Variants in CAMK2D observed in about 807,000 individuals in gnomAD.
CAMK2D encodes calcium/calmodulin dependent protein kinase II delta.
A neutral mutation model predicts 84.0 loss-of-function variants in CAMK2D; 37 were observed. The observed-to-expected ratio is 0.44, with a 90% CI of 0.34 to 0.58. The LOEUF (loss-of-function observed/expected upper bound fraction) is 0.58, where lower values mean the gene tolerates loss of function less well. CAMK2D is among the 20% of genes least tolerant of loss of function. CAMK2D has a pLI of 0.02. For missense variants in CAMK2D, 448 were observed against 652.5 expected (o/e 0.69, Z 3.41); for synonymous variants, 202 against 212.5 (o/e 0.95, Z 0.43).
chr4:113,546,882 T>G (rs1200971302), intron 6 of CAMK2D, among the ~76,000 whole-genome samples: 3 of 152,194 alleles, frequency 2.0e-5, no homozygotes, highest in Non-Finnish European at 4.4e-5. Flanking sequence ...TGTGAGCTAT[T>G]TCATTTCTAA....
At chr4:113,533,456 T>C (rs2098470809) in intron 7 of CAMK2D, among the ~76,000 whole-genome samples, 1 of 152,086 alleles carries the variant, frequency 6.6e-6, no homozygotes, top group Non-Finnish European at 1.5e-5. Flanking sequence ...AGCTTGCCTT[T>C]TTTAGGGATA....
chr4:113,468,849 C>T (rs1239424474), intron 16 of CAMK2D, among the ~76,000 whole-genome samples: 3 of 152,216 alleles, frequency 2.0e-5, no homozygotes, highest in African/African-American at 7.2e-5. Context: ...CCAGAAGCTT[C>T]TTCCACTCCA....
chr4:113,454,550 T>C lies in CAMK2D; in HGVS notation c.*30-35A>G, dbSNP rs757140297. On this transcript the variant is annotated intron_variant, in intron 20 of 20. Coordinates refer to ENST00000511664, the MANE Select transcript of CAMK2D (RefSeq NM_001321571.2). ...GAAAGGGGGAGGAAGAAATAAATTA[T>C]ATTGTTTTACAAAATATCATCAAAT... 6 of 776,696 alleles carry C rather than the reference T, an allele frequency of 7.7e-6. No individual in the cohort carries two copies. In the South Asian group the frequency reaches 8.1e-5, roughly 10 times the overall value. 48.1% of individuals were successfully genotyped at this position (776,696 alleles called of 1,614,324 possible).
intron 17 of CAMK2D, among the ~76,000 whole-genome samples, chr4:113,461,202 G>T (rs2097369058): frequency 6.6e-6 from 1 of 152,088 alleles, no homozygotes; most frequent in Non-Finnish European, 1.5e-5. Flanking sequence ...CTAGAAATAT[G>T]ATTCAATAAA....
intron 2 of CAMK2D, among the ~76,000 whole-genome samples, chr4:113,664,506 A>G (rs1592697872): frequency 6.6e-6 from 1 of 152,170 alleles, no homozygotes; most frequent in Non-Finnish European, 1.5e-5. Flanking sequence ...TTCCTACAGG[A>G]CTTGTTGAGG....
chr4:113,496,081 C>G (rs1477770324), intron 16 of CAMK2D, among the ~76,000 whole-genome samples: 2 of 152,188 alleles, frequency 1.3e-5, no homozygotes, highest in Non-Finnish European at 2.9e-5. Context: ...CAAACTGTGG[C>G]TACAGCCACA....
chr4:113,760,065 T>C (rs1354358169), intron 1 of CAMK2D, among the ~76,000 whole-genome samples: 1 of 152,156 alleles, frequency 6.6e-6, no homozygotes, highest in African/African-American at 2.4e-5. Flanking sequence ...ACCAACAACA[T>C]ACATATAAAC....
At position 113,708,631 on chromosome 4, in the gene CAMK2D, G is replaced by C. The variant is rs539744646; in HGVS notation, c.161-46859C>G. 3.9e-5 allele frequency among the ~76,000 whole-genome samples: 6 copies of C among 152,192 alleles called. No homozygotes were observed. The South Asian group carries it at 1.2e-3, about 32-fold the overall frequency. ...CTGTAGGAATAATCTTTTTTAAAAA[G>C]CTAAATATTCCTGACAGTCTACACT... On this transcript the variant is annotated intron_variant, in intron 2 of 20. Coordinates refer to ENST00000511664, the MANE Select transcript of CAMK2D (RefSeq NM_001321571.2).
chr4:113,658,252 G>C (rs1292986323), intron 3 of CAMK2D, among the ~76,000 whole-genome samples: 1 of 152,094 alleles, frequency 6.6e-6, no homozygotes, highest in Non-Finnish European at 1.5e-5. Flanking sequence ...ACACAACACT[G>C]TCAGATTACA....
At chr4:113,514,469 A>AATT (rs2098260012) in intron 10 of CAMK2D, among the ~76,000 whole-genome samples, 1 of 152,060 alleles carries the variant, frequency 6.6e-6, no homozygotes, top group African/African-American at 2.4e-5. Context: ...TAATTTCTCA[A>AATT]ATTATCTTTA....
chr4:113,612,410 A>G lies in CAMK2D; in HGVS notation c.221-3204T>C, dbSNP rs558571329. On this transcript the variant is annotated intron_variant, in intron 3 of 20. Coordinates refer to ENST00000511664, the MANE Select transcript of CAMK2D (RefSeq NM_001321571.2). ...ATTCCCTATAAATAACTGTCAATTC[A>G]TTTTCACACCAAAGGAATAACACAA... Among the ~76,000 whole-genome samples the G allele has an allele frequency of 2.0e-5, 3 of 152,292 alleles. No individual in the cohort carries two copies. In the East Asian group the frequency reaches 5.8e-4, roughly 29 times the overall value.
intron 3 of CAMK2D, among the ~76,000 whole-genome samples, chr4:113,610,081 G>A (rs1168701483): frequency 6.6e-6 from 1 of 151,042 alleles, no homozygotes; most frequent in Admixed American, 6.6e-5. Context: ...TTAGCTTCAG[G>A]TGTACATGTG....
At chr4:113,726,374 C>CTTTTTTTTTT (rs34696947) in intron 2 of CAMK2D, among the ~76,000 whole-genome samples, 8 of 69,572 alleles carry the variant, frequency 1.1e-4, no homozygotes, top group African/African-American at 3.4e-4. Flanking sequence ...TTTGCTTGGG[C>CTTTTTTTTTT]TTTTTTTTTT....
chr4:113,591,699 C>T (rs1481843382), intron 4 of CAMK2D, among the ~76,000 whole-genome samples: 1 of 152,192 alleles, frequency 6.6e-6, no homozygotes, highest in African/African-American at 2.4e-5. Context: ...CTCCTTTCAC[C>T]CTTAAATGTA....
At chr4:113,705,349 G>C (rs1412983774) in intron 2 of CAMK2D, among the ~76,000 whole-genome samples, 1 of 142,846 alleles carries the variant, frequency 7.0e-6, no homozygotes, top group African/African-American at 2.7e-5. Context: ...AAAAAGAAAA[G>C]TGGTAAATGG....
At chr4:113,522,538 T>C (rs2098374797) in intron 8 of CAMK2D, among the ~76,000 whole-genome samples, 1 of 152,130 alleles carries the variant, frequency 6.6e-6, no homozygotes, top group African/African-American at 2.4e-5. Context: ...TTTCAGAGGA[T>C]GGAAACTATC....
At chr4:113,579,581 C>A (rs2098798862) in intron 4 of CAMK2D, among the ~76,000 whole-genome samples, 1 of 152,126 alleles carries the variant, frequency 6.6e-6, no homozygotes, top group Non-Finnish European at 1.5e-5. Context: ...CTCTCTCTTG[C>A]TCCCTCTCTT....
At chr4:113,483,449 A>G (rs1220087402) in intron 16 of CAMK2D, among the ~76,000 whole-genome samples, 11 of 151,104 alleles carry the variant, frequency 7.3e-5, no homozygotes, top group Non-Finnish European at 1.5e-5. Context: ...TTTGTCGCGC[A>G]GGCTGGAGTG....
chr4:113,497,639 C>T (rs1401353606), intron 16 of CAMK2D, among the ~76,000 whole-genome samples: 2 of 152,180 alleles, frequency 1.3e-5, no homozygotes, highest in Non-Finnish European at 2.9e-5. Flanking sequence ...AGTGTTTAAT[C>T]CCCTCCTCCA....
Sources: allele counts gnomAD v4.1 joint callset (sites outside exome capture counted in the v4.1 genomes callset), GRCh38; gene constraint gnomAD v4.1.1; transcripts MANE v1.5; gene names NCBI Gene and HGNC (gene_info 2026-07-23, HGNC 2026-07-21).